The following PRKG1 variants were observed in gnomAD, a reference collection of about 807,000 sequenced individuals.
PRKG1 encodes the protein cGMP-dependent protein kinase 1.
PRKG1 carries 35 observed loss-of-function variants against 88.1 expected under a neutral mutation model. The observed-to-expected ratio is 0.40, with a 90% CI of 0.30 to 0.53. The LOEUF (loss-of-function observed/expected upper bound fraction) is 0.53, where lower values mean the gene tolerates loss of function less well. PRKG1 is among the 20% of genes least tolerant of loss of function. PRKG1 has a pLI of 0.59. For synonymous variants in PRKG1, 303 were observed against 292.5 expected (o/e 1.04, Z -0.37); for missense variants, 540 against 839.8 (o/e 0.64, Z 4.41).
intron 3 of PRKG1, among the ~76,000 whole-genome samples, chr10:51,785,556 G>T (rs1032178843): frequency 6.6e-6 from 1 of 152,074 alleles, no homozygotes; most frequent in African/African-American, 2.4e-5. Flanking sequence ...GATTGACGTT[G>T]AAGATTTTAC....
In PRKG1 at chr10:52,296,667, A is replaced by G. The variant is rs1842390018; in HGVS notation, c.*2767A>G. The G allele has an allele frequency of 6.6e-6, 1 of 152,014 alleles. No individual in the cohort carries two copies. Among genetic ancestry groups the G allele is most frequent in the African/African-American group, 2.4e-5 (1 of 41,442 alleles). The allele number at this position is 152,014 out of a possible 1,614,324, so 9.4% of individuals were successfully genotyped here. A position where few individuals can be genotyped will look rare whatever the true frequency, so the allele number is the denominator to read the frequency against. On this transcript the variant is annotated 3_prime_UTR_variant, in exon 18 of 18. Transcript: ENST00000373980. ...TGATTTTCTTGTTAATGTGTTGAGT[A>G]TGGGAAATAAGGGCTTTCTGTGTGT...
intron 2 of PRKG1, among the ~76,000 whole-genome samples, chr10:51,343,348 C>T (rs211085): frequency 0.87 from 132,982 of 152,142 alleles, 58,445 homozygotes; most frequent in African/African-American, 0.97. Context: ...TATCTTTCAC[C>T]GCTCTCCCAC....
intron 2 of PRKG1, among the ~76,000 whole-genome samples, chr10:51,464,971 G>C (rs1221445117): frequency 6.6e-6 from 1 of 151,832 alleles, no homozygotes; most frequent in Non-Finnish European, 1.5e-5. Context: ...TTTAAACTTT[G>C]GAGACTTACA....
intron 2 of PRKG1, among the ~76,000 whole-genome samples, chr10:51,418,067 C>A (rs192051714): frequency 2.7e-3 from 404 of 152,260 alleles, no homozygotes; most frequent in African/African-American, 9.5e-3. Flanking sequence ...CGTTTTTATT[C>A]TTCTATGCTT....
At chr10:51,218,585 T>C (rs1838440196) in intron 2 of PRKG1, among the ~76,000 whole-genome samples, 1 of 147,884 alleles carries the variant, frequency 6.8e-6, no homozygotes, top group Non-Finnish European at 1.5e-5. Flanking sequence ...TATATGTATT[T>C]GGCATTTACA....
chr10:51,194,791 G>C (rs1003096746), intron 2 of PRKG1, among the ~76,000 whole-genome samples: 3 of 152,234 alleles, frequency 2.0e-5, no homozygotes, highest in Middle Eastern at 3.4e-3. Flanking sequence ...CATCTTGCAA[G>C]AGCCTTCTTG....
chr10:51,724,601 T>G (rs1263553034), intron 3 of PRKG1, among the ~76,000 whole-genome samples: 1 of 152,230 alleles, frequency 6.6e-6, no homozygotes, highest in Non-Finnish European at 1.5e-5. Context: ...ATTGCTCAAG[T>G]TAGTCTTGAA....
At chr10:51,553,762 C>T (rs926852680) in intron 3 of PRKG1, among the ~76,000 whole-genome samples, 25 of 128,648 alleles carry the variant, frequency 1.9e-4, no homozygotes, top group Non-Finnish European at 3.4e-4. Flanking sequence ...ATATTAGATA[C>T]GTGTATATAA....
chr10:51,678,075 A>G (rs1840755763), intron 3 of PRKG1, among the ~76,000 whole-genome samples: 1 of 152,212 alleles, frequency 6.6e-6, no homozygotes. Flanking sequence ...ATAAGCCATT[A>G]ATTAGAAAAT....
intron 3 of PRKG1, among the ~76,000 whole-genome samples, chr10:51,679,602 C>T (rs1218826964): frequency 6.6e-6 from 1 of 151,740 alleles, no homozygotes; most frequent in Non-Finnish European, 1.5e-5. Flanking sequence ...GGAACTAGGT[C>T]TTGCCTTATC....
chr10:51,512,561 A>C (rs1317230355), intron 3 of PRKG1, among the ~76,000 whole-genome samples: 1 of 86,846 alleles, frequency 1.2e-5, no homozygotes, highest in Non-Finnish European at 2.2e-5. Flanking sequence ...TCCATGGTGT[A>C]TATGTGCCAC....
At chr10:51,569,459 ATAATGAACTATAATATTATAG>A (rs1341173199) in intron 3 of PRKG1, among the ~76,000 whole-genome samples, 1 of 152,056 alleles carries the variant, frequency 6.6e-6, no homozygotes, top group African/African-American at 2.4e-5. Context: ...GCCAGGTTAA[ATAATGAACTATAATATTATAG>A]TAGTAATAAT....
chr10:51,824,780 C>T (rs940830902), intron 4 of PRKG1, among the ~76,000 whole-genome samples: 6 of 151,916 alleles, frequency 3.9e-5, no homozygotes, highest in South Asian at 2.1e-4. Flanking sequence ...CCAGCTGTCA[C>T]GTGAGTTAAC....
chr10:52,187,559 C>T (rs1340273818), intron 9 of PRKG1, among the ~76,000 whole-genome samples: 1 of 152,170 alleles, frequency 6.6e-6, no homozygotes, highest in Non-Finnish European at 1.5e-5. Flanking sequence ...TTGATAGTCT[C>T]TCCAAATCGC....
At chr10:52,084,200 C>T (rs547591095) in intron 7 of PRKG1, among the ~76,000 whole-genome samples, 4 of 151,908 alleles carry the variant, frequency 2.6e-5, no homozygotes, top group African/African-American at 4.8e-5. Context: ...TAAAAAGGAG[C>T]AGTAAGGTTT....
At chr10:51,413,747 T>G (rs1838166894) in intron 2 of PRKG1, among the ~76,000 whole-genome samples, 1 of 152,162 alleles carries the variant, frequency 6.6e-6, no homozygotes. Flanking sequence ...TTTAGAAAAT[T>G]TGGGGAAAAG....
intron 2 of PRKG1, among the ~76,000 whole-genome samples, chr10:51,428,846 C>A (rs1280271277): frequency 6.6e-6 from 1 of 152,116 alleles, no homozygotes; most frequent in Non-Finnish European, 1.5e-5. Context: ...CAGCATGGTC[C>A]TGGTTGGGAC....
At chr10:51,283,479 T>C (rs1840354431) in intron 2 of PRKG1, among the ~76,000 whole-genome samples, 4 of 152,138 alleles carry the variant, frequency 2.6e-5, no homozygotes, top group African/African-American at 9.7e-5. Context: ...CTAGAGCTAT[T>C]GGGCCATTAT....
chr10:51,036,714 G>A (rs577729033), intron 1 of PRKG1, among the ~76,000 whole-genome samples: 1 of 152,234 alleles, frequency 6.6e-6, no homozygotes, highest in Non-Finnish European at 1.5e-5. Flanking sequence ...TCCTATTTGG[G>A]ACTGTCTGAA....
Sources: gnomAD v4.1 joint callset for allele counts (sites outside exome capture counted in the v4.1 genomes callset) on GRCh38, gnomAD v4.1.1 for gene constraint, MANE v1.5 for transcripts, NCBI Gene and HGNC (gene_info 2026-07-23, HGNC 2026-07-21) for gene names.